SLC9A9: variants seen among roughly 807,000 people sequenced by gnomAD.
The protein encoded by SLC9A9 is solute carrier family 9 member A9, also known as sodium/hydrogen exchanger 9.
A neutral mutation model predicts 77.8 loss-of-function variants in SLC9A9; 62 were observed. The observed-to-expected ratio is 0.80, with a 90% CI of 0.65 to 0.98. The LOEUF (loss-of-function observed/expected upper bound fraction) is 0.98. Ranked by LOEUF, SLC9A9 falls within the 50% of genes least tolerant of loss-of-function variation. The pLI, the probability that SLC9A9 is intolerant of heterozygous loss-of-function variation, is 0.00. For synonymous variants in SLC9A9, 320 were observed against 283.5 expected, an observed-to-expected ratio of 1.13 and a Z score of -1.29; for missense variants, 775 against 774.9, an observed-to-expected ratio of 1.00 and a Z score of 0.00.
At chr3:143,679,564 C>A (rs1351175611) in intron 5 of SLC9A9, among the ~76,000 whole-genome samples, 1 of 152,188 alleles carries the variant, frequency 6.6e-6, no homozygotes, top group Admixed American at 6.5e-5. Context: ...GTAGTGCATT[C>A]CCCCAGCTGT....
chr3:143,343,133 G>A (rs542375992), intron 14 of SLC9A9, among the ~76,000 whole-genome samples: 23 of 152,296 alleles, frequency 1.5e-4, no homozygotes, highest in African/African-American at 5.5e-4. Flanking sequence ...CCCAGAGGAG[G>A]AGATAATGGT....
At chr3:143,636,461 C>T (rs2038522239) in intron 6 of SLC9A9, among the ~76,000 whole-genome samples, 1 of 151,912 alleles carries the variant, frequency 6.6e-6, no homozygotes, top group Non-Finnish European at 1.5e-5. Context: ...TTGATTTTCC[C>T]AGTTTTAAAT....
intron 12 of SLC9A9, among the ~76,000 whole-genome samples, chr3:143,466,216 G>C (rs1014263634): frequency 2.0e-5 from 3 of 152,140 alleles, no homozygotes; most frequent in African/African-American, 7.2e-5. Flanking sequence ...ATAGATAATA[G>C]GTAGGAGTCA....
At chr3:143,575,285 G>A (rs137898044) in intron 7 of SLC9A9, among the ~76,000 whole-genome samples, 3 of 152,316 alleles carry the variant, frequency 2.0e-5, no homozygotes, top group Non-Finnish European at 1.5e-5. Flanking sequence ...ATGGTGGGGA[G>A]TGTAGCATTT....
intron 12 of SLC9A9, among the ~76,000 whole-genome samples, chr3:143,397,554 A>C (rs973889819): frequency 6.6e-6 from 1 of 152,224 alleles, no homozygotes; most frequent in African/African-American, 2.4e-5. Context: ...TGGTTATTTC[A>C]CAGTTAAATA....
At chr3:143,639,412 A>G (rs183374111) in intron 6 of SLC9A9, among the ~76,000 whole-genome samples, 22 of 152,340 alleles carry the variant, frequency 1.4e-4, no homozygotes, top group Admixed American at 1.4e-3. Flanking sequence ...TGGTTACAAC[A>G]GAGGGAATGA....
intron 3 of SLC9A9, 132 bp downstream of exon 3, chr3:143,796,694 A>T: frequency 1.6e-6 from 1 of 634,872 alleles, no homozygotes; most frequent in Non-Finnish European, 2.7e-6. Context: ...TCAGGTTTGA[A>T]TCTGCATCAC....
intron 6 of SLC9A9, among the ~76,000 whole-genome samples, chr3:143,646,275 T>C (rs2038706024): frequency 6.7e-6 from 1 of 148,482 alleles, no homozygotes; most frequent in Admixed American, 6.7e-5. Context: ...GTTATTTATA[T>C]ATACAGGTAT....
chr3:143,431,443 A>G (rs1050195338), intron 12 of SLC9A9, among the ~76,000 whole-genome samples: 4 of 150,948 alleles, frequency 2.6e-5, no homozygotes, highest in African/African-American at 4.9e-5. Flanking sequence ...TGCCAGTTAG[A>G]TCACATCCCT....
chr3:143,619,416 T>A (rs1460979055), intron 6 of SLC9A9, among the ~76,000 whole-genome samples: 1 of 152,226 alleles, frequency 6.6e-6, no homozygotes, highest in Non-Finnish European at 1.5e-5. Flanking sequence ...ATTATGCTTG[T>A]CTGATGAAAA....
intron 6 of SLC9A9, among the ~76,000 whole-genome samples, chr3:143,606,750 T>C (rs1443841996): frequency 6.6e-6 from 1 of 151,272 alleles, no homozygotes; most frequent in Non-Finnish European, 1.5e-5. Flanking sequence ...GAGGGAATCA[T>C]CCAGAACACA....
At chr3:143,738,709 C>T (rs191245196) in intron 4 of SLC9A9, among the ~76,000 whole-genome samples, 32 of 152,278 alleles carry the variant, frequency 2.1e-4, no homozygotes, top group African/African-American at 7.0e-4. Context: ...GTAGTTCTGA[C>T]CCACTGTCTA....
chr3:143,837,724 G>T (rs533061179), intron 1 of SLC9A9, among the ~76,000 whole-genome samples: 1 of 152,156 alleles, frequency 6.6e-6, no homozygotes, highest in African/African-American at 2.4e-5. Context: ...GCTGATAACC[G>T]GTTTGGAATG....
chr3:143,548,403 G>A (rs910538498), intron 9 of SLC9A9, among the ~76,000 whole-genome samples: 2 of 152,082 alleles, frequency 1.3e-5, no homozygotes, highest in Non-Finnish European at 2.9e-5. Flanking sequence ...ATGGCCCTGG[G>A]TGAGACCTCC....
chr3:143,459,176 G>T (rs757973832), intron 12 of SLC9A9, among the ~76,000 whole-genome samples: 8 of 151,496 alleles, frequency 5.3e-5, no homozygotes, highest in Non-Finnish European at 1.0e-4. Flanking sequence ...TTGGGGCATG[G>T]TTACAATAGC....
At chr3:143,691,251 T>G (rs1004053199) in intron 5 of SLC9A9, among the ~76,000 whole-genome samples, 1 of 151,956 alleles carries the variant, frequency 6.6e-6, no homozygotes, top group Non-Finnish European at 1.5e-5. Flanking sequence ...AATTTTTTTT[T>G]GAGAGACAGG....
chr3:143,814,599 A>G (rs2008956594), intron 2 of SLC9A9, among the ~76,000 whole-genome samples: 1 of 152,194 alleles, frequency 6.6e-6, no homozygotes, highest in Non-Finnish European at 1.5e-5. Context: ...CTTCGGATAA[A>G]CATCACTTTT....
intron 14 of SLC9A9, among the ~76,000 whole-genome samples, chr3:143,272,960 A>G (rs921760548): frequency 2.0e-5 from 3 of 152,240 alleles, no homozygotes; most frequent in African/African-American, 4.8e-5. Flanking sequence ...TAGGAAAGAC[A>G]GTTAGCAAGT....
At chr3:143,515,019 G>A (rs543249576) in intron 9 of SLC9A9, among the ~76,000 whole-genome samples, 2 of 152,270 alleles carry the variant, frequency 1.3e-5, no homozygotes, top group South Asian at 4.1e-4. Flanking sequence ...TCTAGCCTTT[G>A]ATTTCAACCC....
Sources: gnomAD v4.1 joint callset for allele counts (sites outside exome capture counted in the v4.1 genomes callset) on GRCh38, gnomAD v4.1.1 for gene constraint, MANE v1.5 for transcripts, NCBI Gene and HGNC (gene_info 2026-07-23, HGNC 2026-07-21) for gene names.